AKT3: variants seen among roughly 807,000 people sequenced by gnomAD.
The protein encoded by AKT3 is AKT serine/threonine kinase 3.
A neutral mutation model predicts 65.3 loss-of-function variants in AKT3; 15 were observed. That is an observed-to-expected ratio of 0.23 (90% CI 0.15 to 0.35). AKT3 has a LOEUF of 0.35. Among genes scored for constraint, AKT3 ranks in the 10% least tolerant of loss-of-function variants. AKT3 has a pLI of 1.00. For synonymous variants in AKT3, 206 were observed against 183.8 expected, an observed-to-expected ratio of 1.12 and a Z score of -0.98; for missense variants, 243 against 576.5, an observed-to-expected ratio of 0.42 and a Z score of 5.92.
intron 1 of AKT3, among the ~76,000 whole-genome samples, chr1:243,845,986 T>C (rs1695504369): frequency 6.6e-6 from 1 of 152,236 alleles, no homozygotes; most frequent in South Asian, 2.1e-4. Context: ...AGATGAACTC[T>C]GAATAGCTTT....
intron 2 of AKT3, among the ~76,000 whole-genome samples, chr1:243,739,288 A>G (rs1688011204): frequency 6.6e-6 from 1 of 152,194 alleles, no homozygotes; most frequent in Non-Finnish European, 1.5e-5. Flanking sequence ...ATAACCATAG[A>G]AAAAATTGAG....
At chr1:243,656,743 G>A (rs901960608) in intron 4 of AKT3, among the ~76,000 whole-genome samples, 1 of 152,214 alleles carries the variant, frequency 6.6e-6, no homozygotes, top group Non-Finnish European at 1.5e-5. Context: ...CGAGGCATAC[G>A]TGTGCGCATG....
chr1:243,771,233 T>A (rs1314383937), intron 2 of AKT3, among the ~76,000 whole-genome samples: 1 of 152,090 alleles, frequency 6.6e-6, no homozygotes, highest in Non-Finnish European at 1.5e-5. Flanking sequence ...TTCCTATTGC[T>A]CCCACTCTTC....
chr1:243,662,759 A>C (rs569631726), intron 4 of AKT3, among the ~76,000 whole-genome samples: 20 of 152,130 alleles, frequency 1.3e-4, no homozygotes, highest in Non-Finnish European at 2.6e-4. Flanking sequence ...AGTCATATAG[A>C]ATGTCCAAAC....
intron 2 of AKT3, among the ~76,000 whole-genome samples, chr1:243,798,393 AT>A (rs759264137): frequency 1.9e-3 from 156 of 83,312 alleles, no homozygotes; most frequent in Admixed American, 6.5e-3. Context: ...CTAATTTTTA[AT>A]TTTTTTTTTT....
intron 2 of AKT3, among the ~76,000 whole-genome samples, chr1:243,828,386 T>G (rs1276969433): frequency 6.6e-6 from 1 of 152,134 alleles, no homozygotes; most frequent in African/African-American, 2.4e-5. Context: ...AGCCAGGATT[T>G]GGAATTCAGT....
At chr1:243,791,780 CTG>C (rs1222630486) in intron 2 of AKT3, among the ~76,000 whole-genome samples, 2 of 152,196 alleles carry the variant, frequency 1.3e-5, no homozygotes, top group African/African-American at 2.4e-5. Flanking sequence ...AAAGAACAAA[CTG>C]TGCTCCTGCA....
chr1:243,492,383 C>A (rs1412374233), intron 13 of AKT3, among the ~76,000 whole-genome samples: 1 of 132,742 alleles, frequency 7.5e-6, no homozygotes, highest in Non-Finnish European at 1.5e-5. Context: ...CTCACTGCAA[C>A]CTCCGCCTCC....
intron 11 of AKT3, among the ~76,000 whole-genome samples, chr1:243,547,217 T>C (rs929623984): frequency 1.3e-5 from 2 of 152,140 alleles, no homozygotes; most frequent in African/African-American, 4.8e-5. Context: ...AAGAGATGCA[T>C]AGTAGCAAAC....
At chr1:243,523,892 C>T (rs1670880312) in intron 12 of AKT3, among the ~76,000 whole-genome samples, 2 of 152,076 alleles carry the variant, frequency 1.3e-5, no homozygotes, top group Non-Finnish European at 2.9e-5. Context: ...ACAATACTTA[C>T]CATAAACTAC....
Position 243,500,606 on chromosome 1 carries a change from A to G in AKT3, c.*4643T>C, listed in dbSNP as rs759924823. The stretch of plus-strand genomic sequence containing the variant: ...CTGGACATACCGTGTTGTATCTGAG[A>G]ATGACAAACACTAAAGGCAAGGCTG... On this transcript the variant is annotated 3_prime_UTR_variant, in exon 14 of 14. Transcript: ENST00000673466. 3 of 229,376 alleles carry G rather than the reference A, an allele frequency of 1.3e-5. No individual in the cohort carries two copies. The highest frequency in any genetic ancestry group is 2.6e-5 in the Non-Finnish European group (3 of 115,782). 14.2% of individuals were successfully genotyped at this position (229,376 alleles called of 1,614,324 possible).
rs1692797891 is a variant in AKT3, at chr1:243,807,323, TCAC to T, written c.46+35799_46+35801del. On this transcript the variant is annotated intron_variant, in intron 2 of 13. Transcript: ENST00000673466. ...GACAAACAGCACCTGGAAAATCGGG[TCAC>T]TCCCACCCTAATACTGCGCTTTTCC... Among the ~76,000 whole-genome samples the T allele has an allele frequency of 2.6e-5, 4 of 152,174 alleles. 1 individual carries two copies. In the East Asian group the frequency reaches 7.7e-4, roughly 29 times the overall value.
intron 8 of AKT3, among the ~76,000 whole-genome samples, chr1:243,610,091 C>A (rs1677759371): frequency 6.6e-6 from 1 of 152,208 alleles, no homozygotes; most frequent in South Asian, 2.1e-4. Flanking sequence ...GTGCCTTCCA[C>A]AAAGACTTAA....
chr1:243,489,308 G>A (rs373351858), intron 13 of AKT3, among the ~76,000 whole-genome samples: 3 of 152,362 alleles, frequency 2.0e-5, no homozygotes, highest in South Asian at 4.1e-4. Flanking sequence ...CCAGAGAAGC[G>A]GAGCCATGGG....
chr1:243,513,424 G>C (rs1298904158), intron 12 of AKT3, among the ~76,000 whole-genome samples: 1 of 152,104 alleles, frequency 6.6e-6, no homozygotes, highest in African/African-American at 2.4e-5. Context: ...ACAGAAATCA[G>C]CATGTTTTAT....
intron 2 of AKT3, among the ~76,000 whole-genome samples, chr1:243,755,517 A>C (rs1689080110): frequency 6.6e-6 from 1 of 152,166 alleles, no homozygotes; most frequent in Non-Finnish European, 1.5e-5. Flanking sequence ...ATACTGATAG[A>C]TTCACTGATA....
intron 8 of AKT3, among the ~76,000 whole-genome samples, chr1:243,586,280 T>A (rs887897143): frequency 1.3e-5 from 2 of 152,174 alleles, no homozygotes; most frequent in African/African-American, 4.8e-5. Flanking sequence ...AGGGGATGCT[T>A]GTAACACTGT....
At chr1:243,497,337 T>TC (rs1259528981), downstream of AKT3, among the ~76,000 whole-genome samples, 86 of 35,430 alleles carry the variant, frequency 2.4e-3, 3 homozygotes, top group African/African-American at 6.5e-3. Context: ...TAGGCACGGG[T>TC]GGGGGGGGGG....
At chr1:243,563,390 A>G (rs1251003459) in intron 10 of AKT3, among the ~76,000 whole-genome samples, 3 of 152,350 alleles carry the variant, frequency 2.0e-5, no homozygotes, top group Middle Eastern at 3.4e-3. Flanking sequence ...GTTTATAAAT[A>G]TAAATACTCT....
Sources: gnomAD v4.1 joint callset for allele counts (sites outside exome capture counted in the v4.1 genomes callset) on GRCh38, gnomAD v4.1.1 for gene constraint, MANE v1.5 for transcripts, NCBI Gene and HGNC (gene_info 2026-07-23, HGNC 2026-07-21) for gene names.